HOXB8: variants seen among roughly 807,000 people sequenced by gnomAD.
The protein encoded by HOXB8 is homeobox B8.
A neutral mutation model predicts 22.2 loss-of-function variants in HOXB8; 17 were observed. The observed-to-expected ratio is 0.77, with a 90% CI of 0.53 to 1.15. The LOEUF is 1.15. HOXB8 is among the 50% of genes most tolerant of loss of function. The pLI is 0.00. For synonymous variants in HOXB8, 156 were observed against 144.6 expected (o/e 1.08, Z -0.57); for missense variants, 287 against 323.8 (o/e 0.89, Z 0.87).
rs1043157557 is a variant in HOXB8 at position 48,614,126 on chromosome 17, GAAGAAAGAAAGAT to G, written c.424+142_424+154del. 3.9e-5 allele frequency among the ~76,000 whole-genome samples: 6 copies of G among 152,330 alleles called. No homozygotes were observed. Among genetic ancestry groups the G allele is most frequent in the African/African-American group, 1.4e-4 (6 of 41,580 alleles). On this transcript the variant is annotated intron_variant, in intron 1 of 1. Transcript: ENST00000239144. The surrounding 1 kb of genome is among the most constrained non-coding windows in gnomAD (Gnocchi z 4.1). Reference sequence around the variant, plus strand: ...CCCTTCAAGGGAAAGAAAAAAGAAAGAAGAAAGAAAGATAAGAAAGAAAGGGGAAAAGCGGCAG... The same window carrying G: ...CCCTTCAAGGGAAAGAAAAAAGAAAGAAGAAAGAAAGGGGAAAAGCGGCAG...
chr17:48,614,529 T>C lies in HOXB8; in HGVS notation c.176A>G (p.His59Arg). ...QHPSQIQEFYHGPSSLSTAPY... is the reference protein window; with the variant it reads ...QHPSQIQEFYRGPSSLSTAPY... Reference sequence around the variant, plus strand: ...AGCCGTGGACAGCGACGACGGCCCGTGGTAGAACTCCTGGATTTGCGACGG... The same window carrying C: ...AGCCGTGGACAGCGACGACGGCCCGCGGTAGAACTCCTGGATTTGCGACGG... Residue 59 changes from histidine to arginine, a missense_variant, in exon 1 of 2, where the codon CAC becomes CGC. Physicochemically the swap from His to Arg is conservative, Grantham distance 29. Transcript: ENST00000239144. The surrounding 1 kb of genome is among the most constrained non-coding windows in gnomAD (Gnocchi z 4.1). The C allele has an allele frequency of 6.2e-7, 1 of 1,613,652 alleles. No homozygotes were observed. Among genetic ancestry groups the C allele is most frequent in the Non-Finnish European group, 8.5e-7 (1 of 1,179,830 alleles).
At chr17:48,613,616 T>A in intron 1 of HOXB8, 107 bp from the exon 2 acceptor site, 3 of 611,298 alleles carry the variant, frequency 4.9e-6, no homozygotes, top group South Asian at 2.2e-5. Flanking sequence ...ACCATTATAA[T>A]AAGGGCAGGG....
rs568947604 is a variant in HOXB8 at position 48,614,650 on chromosome 17, G to A, written c.55C>T (p.Leu19=). 23 of 1,608,478 alleles carry A rather than the reference G, an allele frequency of 1.4e-5. No homozygotes were observed. The highest frequency in any genetic ancestry group is 1.8e-5 in the Non-Finnish European group (21 of 1,176,988). The part of the protein sequence containing the change: ...LFSKYKTGES[L]RPNYYDCGFA... ...CCGCAGTCATAATAATTGGGGCGCAGGGACTCCCCGGTTTTGTATTTGGAG... is the reference window on the plus strand; with the variant it reads ...CCGCAGTCATAATAATTGGGGCGCAAGGACTCCCCGGTTTTGTATTTGGAG... The change falls in exon 1 of 2, where the codon CTG becomes TTG. Residue 19 remains leucine, a synonymous_variant. Transcript: ENST00000239144. This position sits in a 1 kb window ranked among gnomAD's most constrained non-coding sequence, Gnocchi z 4.1.
chr17:48,613,678 CGGA>C (rs968718069), intron 1 of HOXB8, among the ~76,000 whole-genome samples, 169 bp from the exon 2 acceptor site: 7 of 150,012 alleles, frequency 4.7e-5, no homozygotes, highest in South Asian at 2.1e-4. Flanking sequence ...CCGCGGTCGG[CGGA>C]GGAGGAGGGG....
Position 48,613,183 on chromosome 17 carries a change from T to C in HOXB8, c.*19A>G, listed in dbSNP as rs914865246. ...GCGGACGTGCGGGCGGCCGCGGCCC[T>C]GGCAGTCCCAGCTGAAGCCTACTTC... On this transcript the variant is annotated 3_prime_UTR_variant, in exon 2 of 2. Transcript: ENST00000239144. 2.0e-6 allele frequency: 3 copies of C among 1,488,242 alleles called. No homozygotes were observed. Among genetic ancestry groups the C allele is most frequent in the South Asian group, 1.4e-5 (1 of 71,438 alleles). 92.2% of individuals were successfully genotyped at this position (1,488,242 alleles called of 1,614,324 possible). A position where few individuals can be genotyped will look rare whatever the true frequency, so the allele number is the denominator to read the frequency against.
rs1290526369 is a variant in HOXB8, at chr17:48,612,657, G to A, written c.*545C>T. On this transcript the variant is annotated 3_prime_UTR_variant, in exon 2 of 2. Coordinates refer to ENST00000239144, the MANE Select transcript of HOXB8 (RefSeq NM_024016.4). ...AAAGCCAGCGAGCTGGGGGGTTGCA[G>A]AGGGGAGAGAGGATTGGGAGGGGAA... is the stretch of plus-strand genomic sequence containing the variant. The A allele has an allele frequency of 6.6e-6, 1 of 152,656 alleles. No individual in the cohort carries two copies. Among genetic ancestry groups the A allele is most frequent in the Non-Finnish European group, 1.5e-5 (1 of 68,076 alleles). 9.5% of individuals were successfully genotyped at this position (152,656 alleles called of 1,614,324 possible). A position where few individuals can be genotyped will look rare whatever the true frequency, so the allele number is the denominator to read the frequency against.
rs1462495213 is a variant in HOXB8, at chr17:48,614,351, C to T, written c.354G>A (p.Leu118=). The T allele has an allele frequency of 1.2e-6, 2 of 1,603,442 alleles. No homozygotes were observed. The highest frequency in any genetic ancestry group is 1.7e-6 in the Non-Finnish European group (2 of 1,177,734). ...ADCKLAAASG[L]GEEAEGSEQS... is the part of the protein sequence containing the mutation. ...GCTCGGAGCCCTCGGCCTCCTCGCCCAGGCCGCTGGCGGCGGCAAGCTTGC... is the reference window on the plus strand; with the variant it reads ...GCTCGGAGCCCTCGGCCTCCTCGCCTAGGCCGCTGGCGGCGGCAAGCTTGC... The change falls in exon 1 of 2, where the codon CTG becomes CTA. Residue 118 remains leucine, a synonymous_variant. Transcript: ENST00000239144. This position sits in a 1 kb window ranked among gnomAD's most constrained non-coding sequence, Gnocchi z 4.1.
chr17:48,614,382 G>C lies in HOXB8; in HGVS notation c.323C>G (p.Ala108Gly). The C allele has an allele frequency of 6.2e-7, 1 of 1,611,906 alleles. No individual in the cohort carries two copies. Among genetic ancestry groups the C allele is most frequent in the Non-Finnish European group, 8.5e-7 (1 of 1,179,724 alleles). Reference protein sequence around the residue: ...GAQDPDLVQYADCKLAAASGL... With the variant: ...GAQDPDLVQYGDCKLAAASGL... ...GCTGGCGGCGGCAAGCTTGCAGTCTGCGTACTGCACCAGGTCTGGATCCTG... is the reference window on the plus strand; with the variant it reads ...GCTGGCGGCGGCAAGCTTGCAGTCTCCGTACTGCACCAGGTCTGGATCCTG... Residue 108 changes from alanine to glycine, a missense_variant, in exon 1 of 2, where the codon GCA becomes GGA. Ala to Gly is a moderately conservative substitution (Grantham distance 60, BLOSUM62 0). Around this residue, in one of 3 missense-constraint regions of HOXB8, gnomAD observed 229 missense variants for 239.8 expected, o/e 0.95. Transcript: ENST00000239144. This position sits in a 1 kb window ranked among gnomAD's most constrained non-coding sequence, Gnocchi z 4.1.
chr17:48,614,108 A>G lies in HOXB8; in HGVS notation c.424+173T>C, dbSNP rs1331884868. 6.6e-6 allele frequency among the ~76,000 whole-genome samples: 1 copy of G among 152,242 alleles called. No individual in the cohort carries two copies. The highest frequency in any genetic ancestry group is 1.5e-5 in the Non-Finnish European group (1 of 68,048). The stretch of plus-strand genomic sequence containing the variant: ...AAATGTTTCTAAGCGACCCCCTTCA[A>G]GGGAAAGAAAAAAGAAAGAAGAAAG... On this transcript the variant is annotated intron_variant, in intron 1 of 1. Coordinates refer to ENST00000239144, the MANE Select transcript of HOXB8 (RefSeq NM_024016.4). The surrounding 1 kb of genome is among the most constrained non-coding windows in gnomAD (Gnocchi z 4.1).
Position 48,614,182 on chromosome 17 carries a change from G to T in HOXB8, c.424+99C>A. 1 of 960,100 alleles carries T rather than the reference G, an allele frequency of 1.0e-6. No individual in the cohort carries two copies. Among genetic ancestry groups the T allele is most frequent in the Non-Finnish European group, 1.5e-6 (1 of 684,008 alleles). 59.5% of individuals were successfully genotyped at this position (960,100 alleles called of 1,614,324 possible). A position where few individuals can be genotyped will look rare whatever the true frequency, so the allele number is the denominator to read the frequency against. On this transcript the variant is annotated intron_variant, in intron 1 of 1. Transcript: ENST00000239144. This position sits in a 1 kb window ranked among gnomAD's most constrained non-coding sequence, Gnocchi z 4.1. ...AGCGGCAGGCGATCGGAACGGAGCCGGCAAGTCTTCCAGAAGCTGGAGGAA... is the reference window on the plus strand; with the variant it reads ...AGCGGCAGGCGATCGGAACGGAGCCTGCAAGTCTTCCAGAAGCTGGAGGAA...
chr17:48,613,833 G>T (rs1441325604), intron 1 of HOXB8, among the ~76,000 whole-genome samples: 1 of 152,032 alleles, frequency 6.6e-6, no homozygotes, highest in South Asian at 2.1e-4. Flanking sequence ...TGTGAAGGAG[G>T]GGGGAAAATA....
chr17:48,615,120 G>C lies in HOXB8; in HGVS notation c.-416C>G, dbSNP rs984560545. Among the ~76,000 whole-genome samples, 7 of 151,410 alleles carry C rather than the reference G, an allele frequency of 4.6e-5. No individual in the cohort carries two copies. Among genetic ancestry groups the C allele is most frequent in the Non-Finnish European group, 8.8e-5 (6 of 67,904 alleles). On this transcript the variant is annotated 5_prime_UTR_variant, in exon 1 of 2. Coordinates refer to ENST00000239144, the MANE Select transcript of HOXB8 (RefSeq NM_024016.4). Reference sequence around the variant, plus strand: ...TGATTTACTTCCCTGCAAATGAGTTGTTTCATATTTTGCACTGTCTTTTCA... The same window carrying C: ...TGATTTACTTCCCTGCAAATGAGTTCTTTCATATTTTGCACTGTCTTTTCA...
At position 48,614,532 on chromosome 17, in the gene HOXB8, T is replaced by A; in HGVS notation, c.173A>T (p.Tyr58Phe). The part of the protein sequence containing the change: ...FQHPSQIQEF[Y>F]HGPSSLSTAP... ...CGTGGACAGCGACGACGGCCCGTGG[T>A]AGAACTCCTGGATTTGCGACGGGTG... Residue 58 changes from tyrosine to phenylalanine, a missense_variant, in exon 1 of 2, where the codon TAC (tyrosine) becomes TTC (phenylalanine). Transcript: ENST00000239144. This position sits in a 1 kb window ranked among gnomAD's most constrained non-coding sequence, Gnocchi z 4.1. 6.2e-7 allele frequency: 1 copy of A among 1,613,640 alleles called. No individual in the cohort carries two copies. The highest frequency in any genetic ancestry group is 8.5e-7 in the Non-Finnish European group (1 of 1,179,864).
At position 48,612,729 on chromosome 17, in the gene HOXB8, A is replaced by C. The variant is rs534725867; in HGVS notation, c.*473T>G. 1,124 of 152,388 alleles carry C rather than the reference A, an allele frequency of 7.4e-3. 11 individuals are homozygous for C. The highest frequency in any genetic ancestry group is 0.031 in the Middle Eastern group (9 of 294). The allele number at this position is 152,388 out of a possible 1,614,324, so 9.4% of individuals were successfully genotyped here. ...GCGAGAGCGAGAGCGAGCGAGCGAG[A>C]GAGAGAGAGAGAAGGGAGACAGAAA... On this transcript the variant is annotated 3_prime_UTR_variant, in exon 2 of 2. Transcript: ENST00000239144.
At position 48,613,329 on chromosome 17, in the gene HOXB8, T is replaced by G; in HGVS notation, c.605A>C (p.Lys202Thr). ...IWFQNRRMKWKKENNKDKFPS... is the reference protein window; with the variant it reads ...IWFQNRRMKWTKENNKDKFPS... ...GAACTTGTCTTTGTTGTTCTCTTTT[T>G]TCCACTTCATCCTCCGGTTCTGGAA... Residue 202 changes from lysine to threonine, a missense_variant, in exon 2 of 2, where the codon AAA becomes ACA. Physicochemically the swap from Lys to Thr is moderately conservative, Grantham distance 78. Transcript: ENST00000239144. The G allele has an allele frequency of 6.2e-7, 1 of 1,614,104 alleles. No individual in the cohort carries two copies. The highest frequency in any genetic ancestry group is 8.5e-7 in the Non-Finnish European group (1 of 1,180,010).
At position 48,614,909 on chromosome 17, in the gene HOXB8, C is replaced by G; in HGVS notation, c.-205G>C. The G allele has an allele frequency of 1.9e-6, 1 of 537,498 alleles. No homozygotes were observed. The highest frequency in any genetic ancestry group is 3.2e-6 in the Non-Finnish European group (1 of 309,430). The allele number at this position is 537,498 out of a possible 1,614,324, so 33.3% of individuals were successfully genotyped here. ...GGCGAAGAAGATCTCGAAGCCGACACACTTTTTGTGGTTTCCAGGAATAGA... is the reference window on the plus strand; with the variant it reads ...GGCGAAGAAGATCTCGAAGCCGACAGACTTTTTGTGGTTTCCAGGAATAGA... On this transcript the variant is annotated 5_prime_UTR_variant, in exon 1 of 2. Coordinates refer to ENST00000239144, the MANE Select transcript of HOXB8 (RefSeq NM_024016.4). This position sits in a 1 kb window ranked among gnomAD's most constrained non-coding sequence, Gnocchi z 4.1.
Position 48,615,080 on chromosome 17 carries a change from A to C in HOXB8, c.-376T>G, listed in dbSNP as rs141484676. Reference sequence around the variant, plus strand: ...CATTTCGAAGAAGGGATGCCAGTTCATAAACAGTTTTCGGTGATTTACTTC... The same window carrying C: ...CATTTCGAAGAAGGGATGCCAGTTCCTAAACAGTTTTCGGTGATTTACTTC... On this transcript the variant is annotated 5_prime_UTR_variant, in exon 1 of 2. The change abolishes an upstream ATG in the 5' untranslated region. Coordinates refer to ENST00000239144, the MANE Select transcript of HOXB8 (RefSeq NM_024016.4). The C allele has an allele frequency of 5.4e-6, 1 of 186,052 alleles. No individual in the cohort carries two copies. The highest frequency in any genetic ancestry group is 2.5e-5 in the African/African-American group (1 of 40,722). The allele number at this position is 186,052 out of a possible 1,614,324, so 11.5% of individuals were successfully genotyped here.
At position 48,614,356 on chromosome 17, in the gene HOXB8, C is replaced by T. The variant is rs61737568; in HGVS notation, c.349G>A (p.Gly117Ser). 4.8e-4 allele frequency: 772 copies of T among 1,605,068 alleles called. 6 individuals carry two copies. The African/African-American group carries it at 9.5e-3, about 20-fold the overall frequency. The change falls in exon 1 of 2, where the codon GGC (glycine) becomes AGC (serine). Residue 117 changes from glycine to serine, a missense_variant. Gly to Ser is a moderately conservative substitution (Grantham distance 56). This residue lies in a region of HOXB8 where 229 missense variants were observed against 239.8 expected (regional missense o/e 0.95). Transcript: ENST00000239144. This position sits in a 1 kb window ranked among gnomAD's most constrained non-coding sequence, Gnocchi z 4.1. ...YADCKLAAAS[G>S]LGEEAEGSEQ... ...GAGCCCTCGGCCTCCTCGCCCAGGCCGCTGGCGGCGGCAAGCTTGCAGTCT... is the reference window on the plus strand; with the variant it reads ...GAGCCCTCGGCCTCCTCGCCCAGGCTGCTGGCGGCGGCAAGCTTGCAGTCT...
chr17:48,613,634 T>G (rs974000098), intron 1 of HOXB8, 125 bp from the exon 2 acceptor site: 40 of 398,834 alleles, frequency 1.0e-4, no homozygotes, highest in Non-Finnish European at 1.4e-4. Context: ...GGGGACCTTC[T>G]ACCCCGTGCG....
Sources: gnomAD v4.1 joint callset for allele counts (sites outside exome capture counted in the v4.1 genomes callset) on GRCh38, gnomAD v4.1.1 for gene constraint, gnomAD v4.1.1 regional missense constraint, Gnocchi (gnomAD v3.1) non-coding constraint, MANE v1.5 for transcripts, NCBI Gene and HGNC (gene_info 2026-07-23, HGNC 2026-07-21) for gene names.